Variants in VGLL3 observed in about 807,000 individuals in gnomAD.
VGLL3 encodes transcription cofactor vestigial-like protein 3.
A neutral mutation model predicts 29.2 loss-of-function variants in VGLL3; 18 were observed. The observed-to-expected ratio is 0.62, with a 90% CI of 0.43 to 0.91. The LOEUF (loss-of-function observed/expected upper bound fraction) is 0.91. Among genes scored for constraint, VGLL3 ranks in the 40% least tolerant of loss-of-function variants. The pLI, the probability that VGLL3 is intolerant of heterozygous loss-of-function variation, is 0.00. For missense variants in VGLL3, 440 were observed against 413.2 expected, an observed-to-expected ratio of 1.06 and a Z score of -0.56; for synonymous variants, 180 against 151.8, an observed-to-expected ratio of 1.19 and a Z score of -1.36.
chr3:86,977,138 C>T (rs962317945), intron 2 of VGLL3, among the ~76,000 whole-genome samples: 6 of 151,896 alleles, frequency 4.0e-5, no homozygotes, highest in Admixed American at 1.3e-4. Flanking sequence ...TGTATTCCAC[C>T]TTCCCCTTTA....
In VGLL3 at chr3:86,978,700, G is replaced by T. The variant is rs774395134; in HGVS notation, c.229C>A (p.Gln77Lys). The change falls in exon 2 of 4, where the codon CAG (glutamine) becomes AAG (lysine). Residue 77 changes from glutamine (Q) to lysine (K), a missense_variant. Physicochemically the swap from Gln to Lys is moderately conservative, Grantham distance 53. Coordinates refer to ENST00000398399, the MANE Select transcript of VGLL3 (RefSeq NM_016206.4). ...TTAAGGTACTCCATCTCGGCAGGCTGGTCTTTCTCCTCCTCCTCCTCCTCC... is the reference window on the plus strand; with the variant it reads ...TTAAGGTACTCCATCTCGGCAGGCTTGTCTTTCTCCTCCTCCTCCTCCTCC... ...DEEEEEEEKD[Q>K]PAEMEYLNSR... 1.9e-6 allele frequency: 3 copies of T among 1,613,840 alleles called. No individual in the cohort carries two copies. Among genetic ancestry groups the T allele is most frequent in the African/African-American group, 1.3e-5 (1 of 74,872 alleles).
intron 3 of VGLL3, among the ~76,000 whole-genome samples, chr3:86,955,136 A>T (rs1279595700): frequency 6.6e-6 from 1 of 152,176 alleles, no homozygotes; most frequent in Non-Finnish European, 1.5e-5. Context: ...AATTAAGGAC[A>T]TAACACCAAC....
chr3:86,990,022 G>A (rs1705546592), intron 1 of VGLL3, among the ~76,000 whole-genome samples: 1 of 152,126 alleles, frequency 6.6e-6, no homozygotes, highest in South Asian at 2.1e-4. Flanking sequence ...GTGCTTTGCT[G>A]GAATTAAAAA....
At chr3:86,956,134 G>T (rs1286243055) in intron 3 of VGLL3, among the ~76,000 whole-genome samples, 1 of 152,194 alleles carries the variant, frequency 6.6e-6, no homozygotes, top group African/African-American at 2.4e-5. Context: ...TTCGAAAACG[G>T]ATATAAAATT....
intron 2 of VGLL3, among the ~76,000 whole-genome samples, chr3:86,977,002 A>G (rs1324031392): frequency 2.0e-5 from 3 of 152,212 alleles, no homozygotes; most frequent in African/African-American, 4.8e-5. Flanking sequence ...ACATTAGTCT[A>G]TTACATAAGC....
At chr3:86,979,402 CAT>C (rs1705277455) in intron 1 of VGLL3, among the ~76,000 whole-genome samples, 1 of 152,048 alleles carries the variant, frequency 6.6e-6, no homozygotes, top group Admixed American at 6.6e-5. Flanking sequence ...TTGCATGGAA[CAT>C]ATTTTTTAGA....
chr3:86,961,026 GTA>G (rs1704828290), intron 3 of VGLL3, among the ~76,000 whole-genome samples: 2 of 150,162 alleles, frequency 1.3e-5, no homozygotes, highest in Admixed American at 1.3e-4. Flanking sequence ...GTAGTAAAAA[GTA>G]TATGAATACC....
chr3:86,960,033 C>T (rs1704805664), intron 3 of VGLL3, among the ~76,000 whole-genome samples: 1 of 152,008 alleles, frequency 6.6e-6, no homozygotes. Flanking sequence ...TTTGTATTGC[C>T]TGTACCTAAC....
At chr3:86,975,308 C>A (rs888924158) in intron 2 of VGLL3, among the ~76,000 whole-genome samples, 1 of 152,052 alleles carries the variant, frequency 6.6e-6, no homozygotes, top group Non-Finnish European at 1.5e-5. Flanking sequence ...TTCTTTAAGA[C>A]ATTTTCTATA....
intron 3 of VGLL3, among the ~76,000 whole-genome samples, chr3:86,967,916 T>A (rs1704997812): frequency 6.6e-6 from 1 of 152,216 alleles, no homozygotes; most frequent in Admixed American, 6.5e-5. Context: ...TATTAGTTTC[T>A]AAATCTGTTG....
chr3:86,980,906 T>C (rs1247632638), intron 1 of VGLL3, among the ~76,000 whole-genome samples: 1 of 152,072 alleles, frequency 6.6e-6, no homozygotes, highest in Admixed American at 6.6e-5. Flanking sequence ...GTGTTCATTC[T>C]TATCCGTGAA....
At position 86,972,096 on chromosome 3, in the gene VGLL3, C is replaced by G. The variant is rs1418255381; in HGVS notation, c.404-2973G>C. Among the ~76,000 whole-genome samples, 3 of 152,140 alleles carry G rather than the reference C, an allele frequency of 2.0e-5. No individual in the cohort carries two copies. In the East Asian group the frequency reaches 5.8e-4, roughly 29 times the overall value. On this transcript the variant is annotated intron_variant, in intron 2 of 3. Transcript: ENST00000398399. ...TCATTTATATGTACATGGAGCCAAT[C>G]TTATTTTATAGATGCTTATGCAGTT...
At chr3:86,982,288 GTGCCTGC>G (rs1705341415) in intron 1 of VGLL3, among the ~76,000 whole-genome samples, 1 of 152,100 alleles carries the variant, frequency 6.6e-6, no homozygotes, top group African/African-American at 2.4e-5. Context: ...GGGATTACAG[GTGCCTGC>G]CACGATGCCC....
chr3:86,970,648 A>G (rs1360561798), intron 2 of VGLL3, among the ~76,000 whole-genome samples: 3 of 152,056 alleles, frequency 2.0e-5, no homozygotes, highest in African/African-American at 7.2e-5. Flanking sequence ...ACTGAATGTA[A>G]ATTCTATTCT....
chr3:86,978,628 C>T lies in VGLL3; in HGVS notation c.301G>A (p.Val101Ile). The T allele has an allele frequency of 6.2e-7, 1 of 1,614,168 alleles. No homozygotes were observed. Among genetic ancestry groups the T allele is most frequent in the Non-Finnish European group, 8.5e-7 (1 of 1,180,028 alleles). The stretch of plus-strand genomic sequence containing the variant: ...GCTCTTGAGAAGTGTTCATCCACTA[C>T]TGACCCAATGTCTCCCTGGAAATAA... The part of the protein sequence containing the change: ...FTYFQGDIGS[V>I]VDEHFSRALG... Residue 101 changes from valine to isoleucine, a missense_variant, in exon 2 of 4, where the codon GTA (valine) becomes ATA (isoleucine). Transcript: ENST00000398399.
intron 3 of VGLL3, among the ~76,000 whole-genome samples, chr3:86,963,880 T>C (rs750994038): frequency 5.3e-5 from 8 of 152,146 alleles, no homozygotes; most frequent in Non-Finnish European, 1.2e-4. Context: ...CCACTAACTC[T>C]CCAGGAGTAA....
At position 86,942,046 on chromosome 3, in the gene VGLL3, A is replaced by G. The variant is rs1305862971; in HGVS notation, c.*4978T>C. 1 of 152,192 alleles carries G rather than the reference A, an allele frequency of 6.6e-6. No individual in the cohort carries two copies. The highest frequency in any genetic ancestry group is 1.5e-5 in the Non-Finnish European group (1 of 68,032). The allele number at this position is 152,192 out of a possible 1,614,324, so 9.4% of individuals were successfully genotyped here. ...TAATTTTTCTATAATGATTTTAATA[A>G]CAGTTTCAATGCTTTAATAATAGAT... On this transcript the variant is annotated 3_prime_UTR_variant, in exon 4 of 4. Coordinates refer to ENST00000398399, the MANE Select transcript of VGLL3 (RefSeq NM_016206.4).
intron 3 of VGLL3, among the ~76,000 whole-genome samples, chr3:86,965,478 C>G (rs192654172): frequency 1.1e-4 from 16 of 152,204 alleles, no homozygotes; most frequent in African/African-American, 3.6e-4. Flanking sequence ...CTAGCTTGGT[C>G]CTACTATGCA....
At chr3:86,971,191 G>C (rs1426171536) in intron 2 of VGLL3, among the ~76,000 whole-genome samples, 1 of 152,174 alleles carries the variant, frequency 6.6e-6, no homozygotes, top group African/African-American at 2.4e-5. Flanking sequence ...TCAGGCCATA[G>C]TTTTCTTGCC....
Sources: allele counts gnomAD v4.1 joint callset (sites outside exome capture counted in the v4.1 genomes callset), GRCh38; gene constraint gnomAD v4.1.1; transcripts MANE v1.5; gene names NCBI Gene and HGNC (gene_info 2026-07-23, HGNC 2026-07-21).